KLHL5: variants seen among roughly 807,000 people sequenced by gnomAD.
KLHL5 encodes the protein kelch like family member 5, also known as kelch-like protein 5.
In KLHL5, 48 loss-of-function variants were observed where a neutral mutation model predicts 77.7. The ratio of observed to expected loss-of-function variants is 0.62; its 90% CI spans 0.49 to 0.79. The LOEUF (loss-of-function observed/expected upper bound fraction) is 0.79, where lower values mean the gene tolerates loss of function less well. KLHL5 is among the 30% of genes least tolerant of loss of function. The pLI is 0.00. For missense variants in KLHL5, 723 were observed against 859.7 expected, an observed-to-expected ratio of 0.84 and a Z score of 1.99; for synonymous variants, 260 against 297.0, an observed-to-expected ratio of 0.88 and a Z score of 1.28.
At chr4:39,132,476 G>A in the KLHL5 span, among the ~76,000 whole-genome samples, 5 of 152,114 alleles carry the variant, frequency 3.3e-5, no homozygotes, top group East Asian at 3.9e-4. Flanking sequence ...AGGTGCCATG[G>A]TGCGCACCTG....
intron 2 of KLHL5, among the ~76,000 whole-genome samples, chr4:39,077,844 A>G (rs1384318423): frequency 2.0e-5 from 3 of 152,204 alleles, no homozygotes; most frequent in African/African-American, 4.8e-5. Flanking sequence ...TAGCACCACA[A>G]TTTTCAATTG....
intron 10 of KLHL5, 190 bp downstream of exon 10, chr4:39,115,520 T>C (rs1577745638): frequency 1.3e-6 from 2 of 1,482,106 alleles, no homozygotes; most frequent in East Asian, 2.5e-5. Context: ...CAGAATTACC[T>C]TTGAGATGTA....
chr4:39,046,020 A>G (rs1451840858), intron 1 of KLHL5, among the ~76,000 whole-genome samples: 1 of 145,160 alleles, frequency 6.9e-6, no homozygotes, highest in African/African-American at 2.5e-5. Flanking sequence ...CTCTGGCGGC[A>G]AAAAACCAAT....
chr4:39,111,251 C>T (rs1398894212), intron 8 of KLHL5, among the ~76,000 whole-genome samples: 4 of 152,098 alleles, frequency 2.6e-5, no homozygotes, highest in Admixed American at 1.3e-4. Context: ...AGGCAGTGTT[C>T]AAAGTACTTT....
At chr4:39,076,283 C>G in intron 2 of KLHL5, 136 bp downstream of exon 2, 1 of 731,840 alleles carries the variant, frequency 1.4e-6, no homozygotes, top group Non-Finnish European at 2.2e-6. Flanking sequence ...ATCAAGAAAA[C>G]GGTGCATATG....
chr4:39,137,350 C>CAAA, the KLHL5 span, among the ~76,000 whole-genome samples: 58 of 147,230 alleles, frequency 3.9e-4, no homozygotes, highest in Middle Eastern at 3.5e-3. Context: ...CCAATTTTTA[C>CAAA]AAAAAAAAAA....
chr4:39,071,435 T>G (rs907086326), intron 1 of KLHL5, among the ~76,000 whole-genome samples: 3 of 152,202 alleles, frequency 2.0e-5, no homozygotes, highest in African/African-American at 4.8e-5. Flanking sequence ...GAAATTCTAG[T>G]GTAAATTCTG....
intron 9 of KLHL5, among the ~76,000 whole-genome samples, chr4:39,113,650 A>G (rs1024358452): frequency 6.6e-6 from 1 of 152,262 alleles, no homozygotes; most frequent in African/African-American, 2.4e-5. Flanking sequence ...GGTGCCAGGT[A>G]GAGAGCCAAA....
chr4:39,112,911 A>G (rs1722553076), intron 8 of KLHL5, 109 bp from the exon 9 acceptor site: 1 of 920,864 alleles, frequency 1.1e-6, no homozygotes, highest in African/African-American at 1.7e-5. Context: ...AGTGTGTTTT[A>G]TAACTGATGG....
chr4:39,098,256 A>T (rs539359634), intron 6 of KLHL5, among the ~76,000 whole-genome samples: 8 of 151,408 alleles, frequency 5.3e-5, no homozygotes, highest in Non-Finnish European at 8.8e-5. Flanking sequence ...TCTGCAAGTT[A>T]CTGTTTTTTT....
the KLHL5 span, among the ~76,000 whole-genome samples, chr4:39,139,314 C>G: frequency 2.0e-5 from 3 of 150,696 alleles, no homozygotes; most frequent in Non-Finnish European, 3.0e-5. Flanking sequence ...AGCCCATCAT[C>G]AATACTGGGA....
chr4:39,112,939 G>A (rs62310332), intron 8 of KLHL5, 81 bp from the exon 9 acceptor site: 696,301 of 1,222,398 alleles, frequency 0.57, 200,983 homozygotes, highest in Admixed American at 0.62. Flanking sequence ...AATTCAATGA[G>A]ATAACAACAT....
At chr4:39,045,064 C>A in exon 1 of KLHL5, 1 of 990,056 alleles carries the variant, frequency 1.0e-6, no homozygotes, top group Non-Finnish European at 1.2e-6. Flanking sequence ...CCCGGCCCGC[C>A]GTGACCCACG....
At chr4:39,099,744 CAT>C (rs1490906675) in intron 6 of KLHL5, among the ~76,000 whole-genome samples, 1 of 152,184 alleles carries the variant, frequency 6.6e-6, no homozygotes, top group Admixed American at 6.5e-5. Context: ...ACCTGAATAA[CAT>C]ATAACATAGC....
intron 8 of KLHL5, 70 bp from the exon 9 acceptor site, chr4:39,112,950 A>G (rs1304618879): frequency 1.5e-6 from 2 of 1,348,308 alleles, no homozygotes; most frequent in African/African-American, 1.4e-5. Flanking sequence ...ATAACAACAT[A>G]AGAAGAGCCT....
At chr4:39,065,173 T>A (rs1020522381) in intron 1 of KLHL5, among the ~76,000 whole-genome samples, 1 of 152,160 alleles carries the variant, frequency 6.6e-6, no homozygotes, top group Non-Finnish European at 1.5e-5. Context: ...CTAGATTAAA[T>A]AGATCTAATT....
chr4:39,062,422 G>A lies in KLHL5; in HGVS notation c.-231G>A. ...AGGTGGATGAGAGTTTGCTCTGATTGAACGGAATGTTCCACCGTGTTTCAT... is the reference window on the plus strand; with the variant it reads ...AGGTGGATGAGAGTTTGCTCTGATTAAACGGAATGTTCCACCGTGTTTCAT... On this transcript the variant is annotated 5_prime_UTR_variant, in exon 1 of 11. It removes the in-frame stop codon of an upstream open reading frame in the 5' UTR. Coordinates refer to ENST00000504108, the MANE Select transcript of KLHL5 (RefSeq NM_015990.5). The A allele has an allele frequency of 1.3e-6, 2 of 1,497,250 alleles. No homozygotes were observed. The highest frequency in any genetic ancestry group is 1.4e-5 in the South Asian group (1 of 72,754). 92.7% of individuals were successfully genotyped at this position (1,497,250 alleles called of 1,614,324 possible).
At chr4:39,132,175 A>G in the KLHL5 span, among the ~76,000 whole-genome samples, 1 of 151,664 alleles carries the variant, frequency 6.6e-6, no homozygotes, top group African/African-American at 2.4e-5. Flanking sequence ...GGAGACTACA[A>G]AAAAAGGAAA....
At chr4:39,094,129 C>T (rs1301861663) in intron 5 of KLHL5, among the ~76,000 whole-genome samples, 1 of 152,046 alleles carries the variant, frequency 6.6e-6, no homozygotes, top group Non-Finnish European at 1.5e-5. Context: ...GAAAAAGATA[C>T]TCAACTATCC....
Sources: allele counts gnomAD v4.1 joint callset (sites outside exome capture counted in the v4.1 genomes callset), GRCh38; gene constraint gnomAD v4.1.1; transcripts MANE v1.5; gene names NCBI Gene and HGNC (gene_info 2026-07-23, HGNC 2026-07-21).